DLGAP1: variants seen among roughly 807,000 people sequenced by gnomAD.
DLGAP1 encodes the protein DLG associated protein 1.
Under a neutral mutation model 90.8 loss-of-function variants are expected in DLGAP1, and 11 were observed. The ratio of observed to expected loss-of-function variants is 0.12; its 90% CI spans 0.08 to 0.20. The LOEUF is 0.20. DLGAP1 is among the 10% of genes least tolerant of loss of function. The pLI is 1.00. For synonymous variants in DLGAP1, 558 were observed against 540.7 expected (o/e 1.03, Z -0.44); for missense variants, 1,050 against 1,333.8 (o/e 0.79, Z 3.31).
At chr18:3,655,997 C>T in intron 7 of DLGAP1, 1 of 1,299,898 alleles carries the variant, frequency 7.7e-7, no homozygotes, top group Non-Finnish European at 1.1e-6. Flanking sequence ...GCGTCAAACA[C>T]CACTGCCACA....
At chr18:3,751,551 C>T (rs1170583658) in intron 5 of DLGAP1, among the ~76,000 whole-genome samples, 3 of 149,372 alleles carry the variant, frequency 2.0e-5, no homozygotes, top group South Asian at 2.1e-4. Context: ...TCCTGTGACC[C>T]GACAAAATTT....
intron 1 of DLGAP1, among the ~76,000 whole-genome samples, chr18:4,258,423 C>T (rs2145244236): frequency 6.6e-6 from 1 of 152,118 alleles, no homozygotes; most frequent in Non-Finnish European, 1.5e-5. Flanking sequence ...TTTTGAAGGA[C>T]AAAATGTTTT....
intron 1 of DLGAP1, among the ~76,000 whole-genome samples, chr18:4,231,799 T>C (rs986202131): frequency 2.6e-5 from 4 of 152,136 alleles, no homozygotes; most frequent in Admixed American, 6.6e-5. Flanking sequence ...TCAAAGCTAA[T>C]GTATCTAATT....
At chr18:3,715,315 C>A (rs775945442) in intron 7 of DLGAP1, among the ~76,000 whole-genome samples, 51 of 152,276 alleles carry the variant, frequency 3.3e-4, no homozygotes, top group Non-Finnish European at 5.4e-4. Context: ...AAGGAAAAGT[C>A]AAGGAAGAGG....
intron 1 of DLGAP1, among the ~76,000 whole-genome samples, chr18:4,324,401 A>G (rs184261433): frequency 1.3e-5 from 2 of 151,840 alleles, no homozygotes; most frequent in East Asian, 3.9e-4. Flanking sequence ...AAAAAGCCCA[A>G]GGCCAGATGG....
chr18:3,967,070 A>AAAAAGGAAGG (rs2073346842), intron 3 of DLGAP1, among the ~76,000 whole-genome samples: 1 of 152,198 alleles, frequency 6.6e-6, no homozygotes, highest in South Asian at 2.1e-4. Context: ...AGAGTAGTTT[A>AAAAAGGAAGG]AAAAGGAAGG....
chr18:3,884,731 A>G (rs1373396575), intron 3 of DLGAP1, among the ~76,000 whole-genome samples: 1 of 152,254 alleles, frequency 6.6e-6, no homozygotes, highest in Non-Finnish European at 1.5e-5. Context: ...TTTTCAGCAC[A>G]GGACAAGCAC....
intron 1 of DLGAP1, among the ~76,000 whole-genome samples, chr18:4,373,536 A>G (rs893064647): frequency 6.6e-6 from 1 of 152,186 alleles, no homozygotes; most frequent in South Asian, 2.1e-4. Flanking sequence ...AGCTAGATCA[A>G]AACATGCATC....
rs113005703 is a variant in DLGAP1, at chr18:3,955,505, A to G, written c.-73+49611T>C. Among the ~76,000 whole-genome samples the G allele has an allele frequency of 8.5e-3, 1,300 of 152,130 alleles. 18 individuals are homozygous for G. Among genetic ancestry groups the G allele is most frequent in the African/African-American group, 0.024 (1,004 of 41,542 alleles). ...GGCGGGTAGATCACCTGAGGTCAGG[A>G]GTTCGAGGCTAGCCTGACCAACATG... is the stretch of plus-strand genomic sequence containing the variant. On this transcript the variant is annotated intron_variant, in intron 3 of 12. Coordinates refer to ENST00000315677, the MANE Select transcript of DLGAP1 (RefSeq NM_004746.4).
chr18:4,086,172 T>G (rs1174717386), intron 2 of DLGAP1, among the ~76,000 whole-genome samples: 7 of 151,942 alleles, frequency 4.6e-5, no homozygotes, highest in African/African-American at 9.7e-5. Flanking sequence ...AGGACGGGAG[T>G]GGGGTGATGA....
intron 9 of DLGAP1, among the ~76,000 whole-genome samples, chr18:3,558,503 G>T (rs147709650): frequency 5.6e-4 from 85 of 152,254 alleles, no homozygotes; most frequent in African/African-American, 1.9e-3. Flanking sequence ...AAAGTGCTAG[G>T]ATTACAGGTA....
intron 7 of DLGAP1, among the ~76,000 whole-genome samples, chr18:3,684,348 CCTGG>C (rs1050866743): frequency 6.9e-6 from 1 of 144,960 alleles, no homozygotes; most frequent in Non-Finnish European, 1.5e-5. Context: ...CACCACCATG[CCTGG>C]CTAATTTTTT....
chr18:3,640,865 A>G (rs1261335042), intron 7 of DLGAP1, among the ~76,000 whole-genome samples: 1 of 152,242 alleles, frequency 6.6e-6, no homozygotes, highest in Non-Finnish European at 1.5e-5. Flanking sequence ...CATTGTCCTA[A>G]GACCTTATTA....
intron 6 of DLGAP1, among the ~76,000 whole-genome samples, chr18:3,739,784 G>A (rs1162590219): frequency 9.3e-5 from 14 of 151,308 alleles, no homozygotes; most frequent in Non-Finnish European, 1.6e-4. Context: ...AAAAATAAAA[G>A]AAAAAAAAAG....
intron 7 of DLGAP1, among the ~76,000 whole-genome samples, chr18:3,639,527 C>T (rs2058848339): frequency 6.6e-6 from 1 of 152,036 alleles, no homozygotes; most frequent in Admixed American, 6.6e-5. Flanking sequence ...TTGGCGGTCA[C>T]GGGGCTAGAA....
At chr18:4,072,249 CCTT>C (rs2075459086) in intron 2 of DLGAP1, among the ~76,000 whole-genome samples, 2 of 152,026 alleles carry the variant, frequency 1.3e-5, no homozygotes, top group Non-Finnish European at 2.9e-5. Flanking sequence ...CAAAAAAAGA[CCTT>C]CGCTGCATTT....
chr18:4,385,053 A>T (rs2082202765), intron 1 of DLGAP1, among the ~76,000 whole-genome samples: 1 of 152,110 alleles, frequency 6.6e-6, no homozygotes, highest in Non-Finnish European at 1.5e-5. Flanking sequence ...CACTTTAAAA[A>T]ACAATACAAT....
At chr18:3,551,529 T>C (rs1212351784) in intron 9 of DLGAP1, among the ~76,000 whole-genome samples, 1 of 152,222 alleles carries the variant, frequency 6.6e-6, no homozygotes, top group Non-Finnish European at 1.5e-5. Flanking sequence ...ATTACAGGTG[T>C]GTACCACTAT....
intron 7 of DLGAP1, among the ~76,000 whole-genome samples, chr18:3,592,888 GAAAAAGAAAAAGAAAAAGAAA>G (rs2056351847): frequency 2.2e-5 from 1 of 44,884 alleles, no homozygotes; most frequent in East Asian, 5.5e-4. Flanking sequence ...GAAAGAAAAA[GAAAAAGAAAAAGAAAAAGAAA>G]AAAAAGAAAG....
Sources: allele counts gnomAD v4.1 joint callset (sites outside exome capture counted in the v4.1 genomes callset), GRCh38; gene constraint gnomAD v4.1.1; transcripts MANE v1.5; gene names NCBI Gene and HGNC (gene_info 2026-07-23, HGNC 2026-07-21).